The following LHPP variants were observed in gnomAD, a reference collection of about 807,000 sequenced individuals.
The protein encoded by LHPP is hLHPP.
LHPP carries 24 observed loss-of-function variants against 30.3 expected under a neutral mutation model. That is an observed-to-expected ratio of 0.79 (90% CI 0.57 to 1.11). The LOEUF (loss-of-function observed/expected upper bound fraction) is 1.11. LHPP is among the 50% of genes most tolerant of loss of function. LHPP has a pLI of 0.00. For missense variants in LHPP, 356 were observed against 367.2 expected, an observed-to-expected ratio of 0.97 and a Z score of 0.25; for synonymous variants, 150 against 157.1, an observed-to-expected ratio of 0.95 and a Z score of 0.34.
At chr10:124,555,098 G>C (rs923935949) in intron 6 of LHPP, among the ~76,000 whole-genome samples, 27 of 152,296 alleles carry the variant, frequency 1.8e-4, no homozygotes, top group Non-Finnish European at 3.5e-4. Flanking sequence ...GCCAGGATTT[G>C]AAGCCAGCCA....
At chr10:124,515,918 C>T (rs1034882750) in intron 5 of LHPP, among the ~76,000 whole-genome samples, 53 of 151,948 alleles carry the variant, frequency 3.5e-4, no homozygotes, top group African/African-American at 1.3e-3. Context: ...CTGCTGAGTA[C>T]TTGAGGGGAC....
At position 124,484,332 on chromosome 10, in the gene LHPP, C is replaced by T; in HGVS notation, c.313+6C>T. 1.2e-6 allele frequency: 2 copies of T among 1,608,172 alleles called. No individual in the cohort carries two copies. Among genetic ancestry groups the T allele is most frequent in the East Asian group, 4.5e-5 (2 of 44,700 alleles). ...ATACCTGCTCATCCATGACGGTAGG[C>T]CTGTCGGACACCAGGACCTCACGGG... On this transcript the variant is annotated splice_donor_region_variant and intron_variant, in intron 2 of 6. Transcript: ENST00000368842.
rs148962333 is a variant in LHPP, at chr10:124,484,222, G to A, written c.209G>A (p.Arg70Lys). ...SRAELVGQLQRLGFDISEQEV... is the reference protein window; with the variant it reads ...SRAELVGQLQKLGFDISEQEV... ...GCAGAGCTGGTGGGGCAGCTTCAGA[G>A]GCTGGGATTTGACATCTCTGAGCAG... is the stretch of plus-strand genomic sequence containing the variant. The change falls in exon 2 of 7, where the codon AGG (arginine) becomes AAG (lysine). Residue 70 changes from arginine (R) to lysine (K), a missense_variant. Transcript: ENST00000368842. The A allele has an allele frequency of 1.8e-3, 2,897 of 1,614,122 alleles. 5 individuals are homozygous for A. Among genetic ancestry groups the A allele is most frequent in the Non-Finnish European group, 2.2e-3 (2,651 of 1,180,026 alleles).
intron 4 of LHPP, among the ~76,000 whole-genome samples, chr10:124,497,696 G>C (rs1306535715): frequency 2.0e-5 from 3 of 152,240 alleles, no homozygotes; most frequent in Non-Finnish European, 4.4e-5. Context: ...AGAAGAGGGG[G>C]AGAAGGGATG....
rs768050335 is a variant in LHPP, at chr10:124,488,072, A to T, written c.314-350A>T. Among the ~76,000 whole-genome samples, 38 of 152,288 alleles carry T rather than the reference A, an allele frequency of 2.5e-4. No individual in the cohort carries two copies. The Middle Eastern group carries it at 0.01, about 41-fold the overall frequency. On this transcript the variant is annotated intron_variant, in intron 2 of 6. Transcript: ENST00000368842. The stretch of plus-strand genomic sequence containing the variant: ...GTGCAGCCCCATTTCCTCCTGCTGC[A>T]GGCTCTCAGTGTCTTCTGAGCAGAT...
chr10:124,497,186 C>G (rs540636822), intron 4 of LHPP, among the ~76,000 whole-genome samples, 162 bp downstream of exon 4: 1 of 150,706 alleles, frequency 6.6e-6, no homozygotes, highest in Admixed American at 6.6e-5. Context: ...GCCGGGCCCT[C>G]GGGCCCTCAG....
chr10:124,498,957 C>T (rs1358180619), intron 5 of LHPP, among the ~76,000 whole-genome samples: 1 of 151,400 alleles, frequency 6.6e-6, no homozygotes, highest in Non-Finnish European at 1.5e-5. Context: ...TCTCGGCTCA[C>T]TGCAACCTCC....
chr10:124,488,333 CAT>C, intron 2 of LHPP, 87 bp from the exon 3 acceptor site: 2 of 1,135,012 alleles, frequency 1.8e-6, no homozygotes, highest in Non-Finnish European at 1.3e-6. Flanking sequence ...AGGGGGAGGA[CAT>C]GTGAAAGGTG....
intron 5 of LHPP, 34 bp downstream of exon 5, chr10:124,498,162 G>A (rs1420253528): frequency 2.5e-6 from 4 of 1,592,716 alleles, no homozygotes; most frequent in Non-Finnish European, 3.4e-6. Flanking sequence ...GGTCAGGGGA[G>A]GCAGCCCCGT....
At chr10:124,599,828 G>A (rs1468416151) in intron 6 of LHPP, among the ~76,000 whole-genome samples, 1 of 152,186 alleles carries the variant, frequency 6.6e-6, no homozygotes, top group South Asian at 2.1e-4. Context: ...CCACTCTGGG[G>A]GTGCTCGTCC....
rs1269190033 is a variant in LHPP at position 124,496,634 on chromosome 10, A to G, written c.468-327A>G. Reference sequence around the variant, plus strand: ...TCACTTGTCATTCTCTGTGTTAGCAACTGAAACCGTCTGCCTTCTGGGTCC... The same window carrying G: ...TCACTTGTCATTCTCTGTGTTAGCAGCTGAAACCGTCTGCCTTCTGGGTCC... On this transcript the variant is annotated intron_variant, in intron 3 of 6. Transcript: ENST00000368842. The surrounding 1 kb of genome is among the most constrained non-coding windows in gnomAD (Gnocchi z 4.3). Among the ~76,000 whole-genome samples the G allele has an allele frequency of 6.6e-6, 1 of 152,198 alleles. No individual in the cohort carries two copies. The highest frequency in any genetic ancestry group is 2.4e-5 in the African/African-American group (1 of 41,456).
chr10:124,574,825 T>A (rs1948637447), intron 6 of LHPP, among the ~76,000 whole-genome samples: 1 of 152,096 alleles, frequency 6.6e-6, no homozygotes, highest in Non-Finnish European at 1.5e-5. Context: ...GAGGCCTCCA[T>A]CCCTTCCTGA....
chr10:124,563,618 T>C (rs1948439939), intron 6 of LHPP, among the ~76,000 whole-genome samples: 1 of 152,212 alleles, frequency 6.6e-6, no homozygotes, highest in Non-Finnish European at 1.5e-5. Flanking sequence ...GACTTTGATA[T>C]TGTTCTATAG....
chr10:124,490,564 C>T, intron 3 of LHPP: 1 of 319,900 alleles, frequency 3.1e-6, no homozygotes. Flanking sequence ...TCTGGTTCTT[C>T]TTAGGCATCA....
Position 124,593,062 on chromosome 10 carries a change from G to T in LHPP, c.717-20202G>T, listed in dbSNP as rs1274389280. Reference sequence around the variant, plus strand: ...GGGGAACCGGGTACAAGTTGCTAGGGAAATACAGGGGGAGGGTGCTGCCCT... The same window carrying T: ...GGGGAACCGGGTACAAGTTGCTAGGTAAATACAGGGGGAGGGTGCTGCCCT... On this transcript the variant is annotated intron_variant, in intron 6 of 6. Coordinates refer to ENST00000368842, the MANE Select transcript of LHPP (RefSeq NM_022126.4). This position sits in a 1 kb window ranked among gnomAD's most constrained non-coding sequence, Gnocchi z 4.9. Among the ~76,000 whole-genome samples, 1 of 152,186 alleles carries T rather than the reference G, an allele frequency of 6.6e-6. No individual in the cohort carries two copies. Among genetic ancestry groups the T allele is most frequent in the African/African-American group, 2.4e-5 (1 of 41,444 alleles).
At chr10:124,519,935 C>T (rs1782404340) in intron 6 of LHPP, among the ~76,000 whole-genome samples, 2 of 151,972 alleles carry the variant, frequency 1.3e-5, no homozygotes, top group African/African-American at 4.8e-5. Flanking sequence ...CGGGTTCACG[C>T]CATTCTCCTG....
At chr10:124,466,155 G>C (rs1952546875) in intron 1 of LHPP, among the ~76,000 whole-genome samples, 1 of 152,084 alleles carries the variant, frequency 6.6e-6, no homozygotes, top group African/African-American at 2.4e-5. Context: ...GGAGTTTTAG[G>C]GTCTGTCTGT....
chr10:124,487,769 T>G (rs993955911), intron 2 of LHPP, among the ~76,000 whole-genome samples: 1 of 152,100 alleles, frequency 6.6e-6, no homozygotes, highest in Non-Finnish European at 1.5e-5. Context: ...TTTAGAAAGG[T>G]CAACATCTAG....
chr10:124,467,198 T>C (rs911984592), intron 1 of LHPP, among the ~76,000 whole-genome samples: 16 of 151,338 alleles, frequency 1.1e-4, no homozygotes, highest in Non-Finnish European at 1.8e-4. Flanking sequence ...AGGCTGGCAG[T>C]AGGGCAGGAG....
Sources: gnomAD v4.1 joint callset for allele counts (sites outside exome capture counted in the v4.1 genomes callset) on GRCh38, gnomAD v4.1.1 for gene constraint, Gnocchi (gnomAD v3.1) non-coding constraint, MANE v1.5 for transcripts, NCBI Gene and HGNC (gene_info 2026-07-23, HGNC 2026-07-21) for gene names.